The following ANKS1B variants were observed in gnomAD, a reference collection of about 807,000 sequenced individuals.
The protein encoded by ANKS1B is ankyrin repeat and sterile alpha motif domain-containing protein 1B.
ANKS1B carries 36 observed loss-of-function variants against 148.3 expected under a neutral mutation model. That is an observed-to-expected ratio of 0.24 (90% confidence interval 0.19 to 0.32). The LOEUF is 0.32. Among genes scored for constraint, ANKS1B ranks in the 10% least tolerant of loss-of-function variants. The pLI, the probability that ANKS1B is intolerant of heterozygous loss-of-function variation, is 1.00. For synonymous variants in ANKS1B, 542 were observed against 560.8 expected (o/e 0.97, Z 0.47); for missense variants, 1,157 against 1,542.6 (o/e 0.75, Z 4.19).
intron 12 of ANKS1B, among the ~76,000 whole-genome samples, chr12:99,334,173 G>C (rs1254841085): frequency 1.3e-5 from 2 of 150,394 alleles, no homozygotes; most frequent in African/African-American, 5.0e-5. Flanking sequence ...CAGACAGACA[G>C]ACAGACAGAT....
At chr12:99,104,036 G>A (rs2058605317) in intron 15 of ANKS1B, among the ~76,000 whole-genome samples, 1 of 152,160 alleles carries the variant, frequency 6.6e-6, no homozygotes, top group Non-Finnish European at 1.5e-5. Flanking sequence ...TGATAAAATT[G>A]GACTGTATTC....
At chr12:98,846,695 A>G (rs201390) in intron 17 of ANKS1B, among the ~76,000 whole-genome samples, 87,608 of 152,184 alleles carry the variant, frequency 0.58, 29,161 homozygotes, top group East Asian at 0.81. Flanking sequence ...GGACTTTCAC[A>G]TAAGCTGTGC....
chr12:99,229,599 G>A (rs2086502759), intron 14 of ANKS1B, among the ~76,000 whole-genome samples: 1 of 151,872 alleles, frequency 6.6e-6, no homozygotes, highest in African/African-American at 2.4e-5. Flanking sequence ...TTTCTCATGG[G>A]TAAGTGCCCT....
chr12:99,323,974 T>C (rs1485280417), intron 12 of ANKS1B, among the ~76,000 whole-genome samples: 2 of 152,192 alleles, frequency 1.3e-5, no homozygotes, highest in Non-Finnish European at 2.9e-5. Context: ...AAGTCTTTTG[T>C]ATAGCACCAG....
Position 99,984,500 on chromosome 12 carries a change from T to C in ANKS1B, c.-263A>G. ...AGCCGCGACGCGCCCCCACAGCCAC[T>C]CCCCTGAATTCCCAAGGCCTCGTTC... On this transcript the variant is annotated 5_prime_UTR_variant, in exon 1 of 27. Coordinates refer to ENST00000683438, the MANE Select transcript of ANKS1B (RefSeq NM_001352186.2). 2.6e-6 allele frequency: 1 copy of C among 383,032 alleles called. No individual in the cohort carries two copies. The highest frequency in any genetic ancestry group is 4.1e-5 in the East Asian group (1 of 24,572). 23.7% of individuals were successfully genotyped at this position (383,032 alleles called of 1,614,324 possible). A position where few individuals can be genotyped will look rare whatever the true frequency, so the allele number is the denominator to read the frequency against.
At chr12:98,807,944 T>C in intron 19 of ANKS1B, 26 bp from the exon 20 acceptor site, 2 of 1,585,934 alleles carry the variant, frequency 1.3e-6, no homozygotes, top group South Asian at 1.1e-5. Flanking sequence ...AACTATCTTA[T>C]CTTGTCAATA....
intron 9 of ANKS1B, among the ~76,000 whole-genome samples, chr12:99,514,116 G>A (rs1049397197): frequency 2.0e-5 from 3 of 151,934 alleles, no homozygotes; most frequent in Admixed American, 6.6e-5. Context: ...AAGTTTAAAC[G>A]TAATCCCATT....
At chr12:99,564,153 G>T (rs1052198738) in intron 9 of ANKS1B, among the ~76,000 whole-genome samples, 2 of 152,088 alleles carry the variant, frequency 1.3e-5, no homozygotes, top group African/African-American at 4.8e-5. Flanking sequence ...CTTCTCTAGA[G>T]TTCATACCTA....
intron 9 of ANKS1B, among the ~76,000 whole-genome samples, chr12:99,567,989 T>C (rs1425065448): frequency 6.6e-6 from 1 of 152,174 alleles, no homozygotes; most frequent in African/African-American, 2.4e-5. Context: ...CAAGGACAAT[T>C]TATTATTTCA....
intron 14 of ANKS1B, among the ~76,000 whole-genome samples, chr12:99,213,777 T>A (rs1485510824): frequency 6.6e-6 from 1 of 152,226 alleles, no homozygotes; most frequent in Non-Finnish European, 1.5e-5. Flanking sequence ...GTAGAACCAT[T>A]ATTTGCCAAA....
At chr12:99,383,152 A>G (rs2093713782) in intron 12 of ANKS1B, among the ~76,000 whole-genome samples, 1 of 152,204 alleles carries the variant, frequency 6.6e-6, no homozygotes, top group African/African-American at 2.4e-5. Context: ...TAGCGTGAAC[A>G]TGGAAACATA....
chr12:99,743,049 C>T (rs976343418), intron 8 of ANKS1B, among the ~76,000 whole-genome samples: 1 of 152,126 alleles, frequency 6.6e-6, no homozygotes, highest in African/African-American at 2.4e-5. Flanking sequence ...ATATCAGCTA[C>T]CTCTAAGTGC....
intron 9 of ANKS1B, among the ~76,000 whole-genome samples, chr12:99,507,169 G>C (rs1303111582): frequency 6.6e-6 from 1 of 151,796 alleles, no homozygotes; most frequent in East Asian, 1.9e-4. Context: ...TATAAAAAGT[G>C]AAAAACTGAG....
intron 17 of ANKS1B, among the ~76,000 whole-genome samples, chr12:98,850,458 C>CTTTTT (rs1567146212): frequency 1.8e-4 from 11 of 61,948 alleles, no homozygotes; most frequent in Admixed American, 7.5e-4. Flanking sequence ...AGAAGCATTG[C>CTTTTT]ATTTTTTTTT....
At position 99,907,668 on chromosome 12, in the gene ANKS1B, T is replaced by G. The variant is rs188794873; in HGVS notation, c.134+76436A>C. 1.6e-4 allele frequency among the ~76,000 whole-genome samples: 25 copies of G among 152,232 alleles called. No homozygotes were observed. In the East Asian group the frequency reaches 3.5e-3, roughly 21 times the overall value. On this transcript the variant is annotated intron_variant, in intron 1 of 26. Coordinates refer to ENST00000683438, the MANE Select transcript of ANKS1B (RefSeq NM_001352186.2). The stretch of plus-strand genomic sequence containing the variant: ...TGAAAAGTGATAGCAGTTAAAATGG[T>G]GTTCTTTGCTGTTTCTCTGTTTTGT...
intron 19 of ANKS1B, among the ~76,000 whole-genome samples, chr12:98,824,241 C>A (rs2099227550): frequency 6.6e-6 from 1 of 152,176 alleles, no homozygotes; most frequent in South Asian, 2.1e-4. Flanking sequence ...CCCTCTGCAT[C>A]GTGATATATG....
chr12:99,132,462 GA>G (rs1476313661), intron 15 of ANKS1B, among the ~76,000 whole-genome samples: 5 of 150,384 alleles, frequency 3.3e-5, no homozygotes, highest in African/African-American at 4.9e-5. Flanking sequence ...ACAACATAGC[GA>G]GACCTTGTCC....
At chr12:99,829,239 G>A (rs564441745) in intron 1 of ANKS1B, among the ~76,000 whole-genome samples, 1 of 151,898 alleles carries the variant, frequency 6.6e-6, no homozygotes, top group South Asian at 2.1e-4. Context: ...GGCCAGTCGC[G>A]GTGGCTCACG....
At chr12:98,735,774 C>A in intron 9 of ANKS1B, 1 of 503,272 alleles carries the variant, frequency 2.0e-6, no homozygotes, top group Non-Finnish European at 3.6e-6. Flanking sequence ...TCTTGCTCTA[C>A]TGCAGTTAAG....
Sources: gnomAD v4.1 joint callset for allele counts (sites outside exome capture counted in the v4.1 genomes callset) on GRCh38, gnomAD v4.1.1 for gene constraint, MANE v1.5 for transcripts, NCBI Gene and HGNC (gene_info 2026-07-23, HGNC 2026-07-21) for gene names.